Variants in MID1 observed in about 807,000 individuals in gnomAD.
The protein encoded by MID1 is E3 ubiquitin-protein ligase Midline-1.
MID1 carries 7 observed loss-of-function variants against 40.4 expected under a neutral mutation model. The observed-to-expected ratio is 0.17, with a 90% CI of 0.10 to 0.33. MID1 has a LOEUF of 0.33. Among genes scored for constraint, MID1 ranks in the 10% least tolerant of loss-of-function variants. The probability of loss-of-function intolerance (pLI) is 1.00; values close to 1 mark genes in which losing one functional copy is unlikely to be tolerated. For missense variants in MID1, 367 were observed against 558.5 expected, an observed-to-expected ratio of 0.66 and a Z score of 3.46; for synonymous variants, 229 against 221.2, an observed-to-expected ratio of 1.04 and a Z score of -0.31.
At chrX:10,719,729 C>T (rs1401486180) in intron 1 of MID1, among the ~76,000 whole-genome samples, 1 of 110,590 alleles carries the variant, frequency 9.0e-6, no homozygotes, top group Admixed American at 9.6e-5. Flanking sequence ...AAAAAGAGCC[C>T]GCATCACCAA....
chrX:10,474,785 C>T, intron 5 of MID1, 35 bp from the exon 6 acceptor site: 1 of 1,182,955 alleles, frequency 8.5e-7, no homozygotes. Flanking sequence ...TCAGAAATGT[C>T]AAGATGACTT....
At chrX:10,672,704 G>T (rs2042996058) in intron 1 of MID1, among the ~76,000 whole-genome samples, 1 of 111,137 alleles carries the variant, frequency 9.0e-6, no homozygotes, top group Admixed American at 9.6e-5. Context: ...AATTTGTGTT[G>T]TTTAATTTTT....
intron 1 of MID1, among the ~76,000 whole-genome samples, chrX:10,728,200 G>C (rs2043410868): frequency 9.0e-6 from 1 of 110,598 alleles, no homozygotes; most frequent in Non-Finnish European, 1.9e-5. Flanking sequence ...TCCCCCCCCA[G>C]GAAAAAACGT....
At chrX:10,554,432 C>T (rs531457550) in intron 2 of MID1, among the ~76,000 whole-genome samples, 4 of 112,078 alleles carry the variant, frequency 3.6e-5, no homozygotes, top group East Asian at 2.8e-4. Flanking sequence ...CCCTGACCTA[C>T]GAGGCAGTTT....
chrX:10,742,074 C>T (rs764367780), intron 1 of MID1, among the ~76,000 whole-genome samples: 81 of 110,756 alleles, frequency 7.3e-4, no homozygotes, highest in African/African-American at 2.6e-3. Context: ...ACAGCCCCTC[C>T]CTCGCCCCAC....
intron 1 of MID1, among the ~76,000 whole-genome samples, chrX:10,699,182 AC>A (rs1425469237): frequency 9.0e-6 from 1 of 111,415 alleles, no homozygotes; most frequent in Non-Finnish European, 1.9e-5. Context: ...GGCCCTGGTC[AC>A]TGAATCTAAG....
intron 1 of MID1, among the ~76,000 whole-genome samples, chrX:10,596,919 G>A (rs1935422618): frequency 9.0e-6 from 1 of 111,047 alleles, no homozygotes; most frequent in Non-Finnish European, 1.9e-5. Flanking sequence ...AATAAACTTT[G>A]AGGCTTGAAG....
chrX:10,646,214 C>T (rs1007507489), intron 1 of MID1, among the ~76,000 whole-genome samples: 5 of 111,943 alleles, frequency 4.5e-5, no homozygotes, highest in African/African-American at 1.3e-4. Flanking sequence ...CATCCTTTCC[C>T]GCTTTAAATG....
rs897618706 is a variant in MID1 at position 10,608,316 on chromosome X, C to T, written c.-57+11974G>A. On this transcript the variant is annotated intron_variant, in intron 1 of 9. Coordinates refer to ENST00000317552, the MANE Select transcript of MID1 (RefSeq NM_000381.4). ...AAATCCTACACACAAATGCTCATAGCAACTTTGTTTGTAATAGCTCCAAAG... is the reference window on the plus strand; with the variant it reads ...AAATCCTACACACAAATGCTCATAGTAACTTTGTTTGTAATAGCTCCAAAG... Among the ~76,000 whole-genome samples, 4 of 111,509 alleles carry T rather than the reference C, an allele frequency of 3.6e-5. 1 individual carries two copies. Among genetic ancestry groups the T allele is most frequent in the Admixed American group, 2.9e-4 (3 of 10,526 alleles).
intron 1 of MID1, among the ~76,000 whole-genome samples, chrX:10,825,477 T>A (rs1418115044): frequency 8.9e-6 from 1 of 112,195 alleles, no homozygotes; most frequent in Non-Finnish European, 1.9e-5. Context: ...AAAAACGGAA[T>A]GGCAAAACCT....
intron 1 of MID1, among the ~76,000 whole-genome samples, chrX:10,584,857 G>A (rs1427722159): frequency 2.7e-5 from 3 of 111,082 alleles, no homozygotes; most frequent in Non-Finnish European, 5.7e-5. Context: ...GGGTTTATTC[G>A]GCTGGGGGCA....
chrX:10,808,816 T>C (rs1322266208), intron 1 of MID1, among the ~76,000 whole-genome samples: 1 of 111,624 alleles, frequency 9.0e-6, no homozygotes, highest in Non-Finnish European at 1.9e-5. Flanking sequence ...CCTAAAACCA[T>C]AAAAACCCTA....
intron 1 of MID1, among the ~76,000 whole-genome samples, chrX:10,704,739 T>TATATACAC (rs1233692170): frequency 1.2e-5 from 1 of 82,207 alleles, no homozygotes; most frequent in Non-Finnish European, 2.2e-5. Context: ...TATATATATA[T>TATATACAC]ACACACACAC....
intron 2 of MID1, among the ~76,000 whole-genome samples, chrX:10,551,685 A>G (rs1452056257): frequency 8.9e-6 from 1 of 112,516 alleles, no homozygotes; most frequent in African/African-American, 3.2e-5. Context: ...TTGAAAAATG[A>G]GTAATCAGAT....
chrX:10,794,599 A>G (rs2043955974), intron 1 of MID1, among the ~76,000 whole-genome samples: 1 of 112,151 alleles, frequency 8.9e-6, no homozygotes, highest in African/African-American at 3.2e-5. Context: ...AGAGCAACCA[A>G]TACTGCCCAG....
At chrX:10,661,737 T>C (rs776937521) in intron 1 of MID1, among the ~76,000 whole-genome samples, 211 of 112,444 alleles carry the variant, frequency 1.9e-3, no homozygotes, top group African/African-American at 6.6e-3. Flanking sequence ...AGAATATTAC[T>C]ATTACAGAAC....
At chrX:10,489,333 C>T (rs182027748) in intron 4 of MID1, among the ~76,000 whole-genome samples, 1 of 112,146 alleles carries the variant, frequency 8.9e-6, no homozygotes, top group Admixed American at 9.4e-5. Flanking sequence ...ATCTCCTCCA[C>T]GTTTTCTTCT....
At chrX:10,461,879 T>C (rs1337403822) in intron 7 of MID1, among the ~76,000 whole-genome samples, 1 of 112,058 alleles carries the variant, frequency 8.9e-6, no homozygotes, top group Non-Finnish European at 1.9e-5. Flanking sequence ...AGAAAGCAAG[T>C]GTAAAAATGT....
rs12846691 is a variant in MID1, at chrX:10,825,767, C to T, written c.-187+7787G>A. Reference sequence around the variant, plus strand: ...AAGGAGAAAACTTCACTTAGGTAAACTTACAGAGATCTTGGCTGTCAAGAC... The same window carrying T: ...AAGGAGAAAACTTCACTTAGGTAAATTTACAGAGATCTTGGCTGTCAAGAC... On this transcript the variant is annotated intron_variant, in intron 1 of 10. Coordinates refer to the MID1 transcript ENST00000380785. 2.6e-3 allele frequency among the ~76,000 whole-genome samples: 285 copies of T among 111,513 alleles called. 1 individual carries two copies. Among genetic ancestry groups the T allele is most frequent in the Middle Eastern group, 9.2e-3 (2 of 218 alleles).
Sources: allele counts gnomAD v4.1 joint callset (sites outside exome capture counted in the v4.1 genomes callset), GRCh38; gene constraint gnomAD v4.1.1; transcripts MANE v1.5; gene names NCBI Gene and HGNC (gene_info 2026-07-23, HGNC 2026-07-21).